The following TP73 variants were observed in gnomAD, a reference collection of about 807,000 sequenced individuals.
The protein encoded by TP73 is p53-like transcription factor.
TP73 carries 25 observed loss-of-function variants against 62.5 expected under a neutral mutation model. The ratio of observed to expected loss-of-function variants is 0.40; its 90% CI spans 0.29 to 0.56. The LOEUF (loss-of-function observed/expected upper bound fraction) is 0.56. Ranked by LOEUF, TP73 falls within the 20% of genes least tolerant of loss-of-function variation. TP73 has a pLI of 0.46. For synonymous variants in TP73, 423 were observed against 377.5 expected (o/e 1.12, Z -1.40); for missense variants, 754 against 913.3 (o/e 0.83, Z 2.25).
rs1639168373 is a variant in TP73, at chr1:3,701,527, C to CA, written c.187-6021dup. 6.6e-6 allele frequency among the ~76,000 whole-genome samples: 1 copy of CA among 152,106 alleles called. No individual in the cohort carries two copies. The highest frequency in any genetic ancestry group is 1.5e-5 in the Non-Finnish European group (1 of 68,020). On this transcript the variant is annotated intron_variant, in intron 3 of 13. Coordinates refer to ENST00000378295, the MANE Select transcript of TP73 (RefSeq NM_005427.4). This position sits in a 1 kb window ranked among gnomAD's most constrained non-coding sequence, Gnocchi z 4.7. Reference sequence around the variant, plus strand: ...ATTTCTTTTTTGGTTTTTTTCGAGACAGAGTCTTGCTCTGTCACCCAGGCT... The same window carrying CA: ...ATTTCTTTTTTGGTTTTTTTCGAGACAAGAGTCTTGCTCTGTCACCCAGGCT...
rs1326502441 is a variant in TP73, at chr1:3,662,593, A to C, written c.-34+9952A>C. ...GAAATGTCTTTCATTTCTCTCCCAG[A>C]CAGGCAGCTGGGCAGAGCCACTCCT... is the stretch of plus-strand genomic sequence containing the variant. On this transcript the variant is annotated intron_variant, in intron 1 of 13. Transcript: ENST00000378295. This position sits in a 1 kb window ranked among gnomAD's most constrained non-coding sequence, Gnocchi z 4.4. Among the ~76,000 whole-genome samples, 1 of 152,196 alleles carries C rather than the reference A, an allele frequency of 6.6e-6. No individual in the cohort carries two copies. Among genetic ancestry groups the C allele is most frequent in the African/African-American group, 2.4e-5 (1 of 41,448 alleles).
Position 3,723,384 on chromosome 1 carries a change from G to T in TP73, c.647G>T (p.Arg216Leu), listed in dbSNP as rs1641257558. The T allele has an allele frequency of 6.2e-7, 1 of 1,612,470 alleles. No individual in the cohort carries two copies. Among genetic ancestry groups the T allele is most frequent in the South Asian group, 1.1e-5 (1 of 91,082 alleles). ...TCTGCTCCAGCCAGCCACCTCATCCGCGTGGAAGGCAATAATCTCTCGCAG... is the reference window on the plus strand; with the variant it reads ...TCTGCTCCAGCCAGCCACCTCATCCTCGTGGAAGGCAATAATCTCTCGCAG... The part of the protein sequence containing the change: ...GQSAPASHLI[R>L]VEGNNLSQYV... Residue 216 changes from arginine to leucine, a missense_variant, in exon 6 of 14, where the codon CGC becomes CTC. Coordinates refer to ENST00000378295, the MANE Select transcript of TP73 (RefSeq NM_005427.4).
Position 3,734,398 on chromosome 1 carries a change from C to G in TP73, c.*1319C>G, listed in dbSNP as rs1642347753. 1 of 152,188 alleles carries G rather than the reference C, an allele frequency of 6.6e-6. No individual in the cohort carries two copies. 9.4% of individuals were successfully genotyped at this position (152,188 alleles called of 1,614,324 possible). On this transcript the variant is annotated 3_prime_UTR_variant, in exon 14 of 14. Transcript: ENST00000378295. The surrounding 1 kb of genome is among the most constrained non-coding windows in gnomAD (Gnocchi z 4.4). The stretch of plus-strand genomic sequence containing the variant: ...GCTTCAGGGCAGGGAACCGGAGCCC[C>G]TGGGGGGCCTCACGGGTGTGACGAG...
At chr1:3,707,154 G>A (rs1000694995) in intron 3 of TP73, among the ~76,000 whole-genome samples, 1 of 152,162 alleles carries the variant, frequency 6.6e-6, no homozygotes, top group South Asian at 2.1e-4. Context: ...CTGGCTCCCT[G>A]GGGCTGGATC....
chr1:3,713,351 G>A (rs1640319544), intron 4 of TP73, among the ~76,000 whole-genome samples: 1 of 152,174 alleles, frequency 6.6e-6, no homozygotes, highest in African/African-American at 2.4e-5. Flanking sequence ...CCCAGGCCTG[G>A]CCTCACTGCC....
At chr1:3,728,664 T>C (rs1250433443) in intron 9 of TP73, among the ~76,000 whole-genome samples, 14 of 152,222 alleles carry the variant, frequency 9.2e-5, no homozygotes, top group Non-Finnish European at 2.1e-4. Flanking sequence ...ATGTGAACTT[T>C]CTGTTTTTTG....
At chr1:3,687,412 G>A (rs990793894) in intron 3 of TP73, among the ~76,000 whole-genome samples, 1 of 152,206 alleles carries the variant, frequency 6.6e-6, no homozygotes, top group Non-Finnish European at 1.5e-5. Flanking sequence ...TCGTAGGCTC[G>A]CAGGCTGCGA....
In TP73 at chr1:3,734,929, G is replaced by A. The variant is rs923137093; in HGVS notation, c.*1850G>A. The A allele has an allele frequency of 3.3e-5, 5 of 152,256 alleles. No individual in the cohort carries two copies. The highest frequency in any genetic ancestry group is 1.2e-4 in the African/African-American group (5 of 41,450). 9.4% of individuals were successfully genotyped at this position (152,256 alleles called of 1,614,324 possible). A position where few individuals can be genotyped will look rare whatever the true frequency, so the allele number is the denominator to read the frequency against. On this transcript the variant is annotated 3_prime_UTR_variant, in exon 14 of 14. Transcript: ENST00000378295. This position sits in a 1 kb window ranked among gnomAD's most constrained non-coding sequence, Gnocchi z 4.4. ...CCGGCTCCTTCCAGCTGAAGGGCAG[G>A]AAGCTCTGGCCGCTTAGCTTCTAGG...
intron 4 of TP73, among the ~76,000 whole-genome samples, chr1:3,718,239 G>A (rs912540278): frequency 1.3e-5 from 2 of 152,302 alleles, no homozygotes; most frequent in South Asian, 2.1e-4. Context: ...GGCATCCACA[G>A]TGCTCCCCGC....
chr1:3,666,817 G>A lies in TP73; in HGVS notation c.-34+14176G>A, dbSNP rs1295161804. Among the ~76,000 whole-genome samples the A allele has an allele frequency of 6.6e-6, 1 of 152,176 alleles. No individual in the cohort carries two copies. Among genetic ancestry groups the A allele is most frequent in the African/African-American group, 2.4e-5 (1 of 41,450 alleles). ...TCTCTCCCAGGGCGGCTTTCAGACT[G>A]ACCCCCAAACAGAGGGCTCAGAAAA... On this transcript the variant is annotated intron_variant, in intron 1 of 13. Coordinates refer to ENST00000378295, the MANE Select transcript of TP73 (RefSeq NM_005427.4). This position sits in a 1 kb window ranked among gnomAD's most constrained non-coding sequence, Gnocchi z 6.4.
At chr1:3,681,255 T>C (rs1645513111) in intron 1 of TP73, among the ~76,000 whole-genome samples, 1 of 152,144 alleles carries the variant, frequency 6.6e-6, no homozygotes, top group Non-Finnish European at 1.5e-5. Context: ...GCCTGAGCAT[T>C]GCAGGGCGGT....
intron 3 of TP73, among the ~76,000 whole-genome samples, chr1:3,690,360 A>T (rs1645782129): frequency 6.6e-6 from 1 of 151,764 alleles, no homozygotes; most frequent in Non-Finnish European, 1.5e-5. Context: ...AGGCGACACC[A>T]TCTCTCCCCC....
In TP73 at chr1:3,666,752, A is replaced by G. The variant is rs1570376339; in HGVS notation, c.-34+14111A>G. ...AAGTGAGTAAGCATTGGCGGTGGGG[A>G]TGGTGCTCTGAGCAGACGCGACTCA... On this transcript the variant is annotated intron_variant, in intron 1 of 13. Coordinates refer to ENST00000378295, the MANE Select transcript of TP73 (RefSeq NM_005427.4). This position sits in a 1 kb window ranked among gnomAD's most constrained non-coding sequence, Gnocchi z 6.4. Among the ~76,000 whole-genome samples, 1 of 151,998 alleles carries G rather than the reference A, an allele frequency of 6.6e-6. No homozygotes were observed. The highest frequency in any genetic ancestry group is 2.4e-5 in the African/African-American group (1 of 41,340).
chr1:3,681,665 G>A (rs1000875655), intron 1 of TP73, among the ~76,000 whole-genome samples: 2 of 152,172 alleles, frequency 1.3e-5, no homozygotes, highest in African/African-American at 4.8e-5. Flanking sequence ...GCGAGGGGGC[G>A]TCTGTGTCCT....
intron 1 of TP73, among the ~76,000 whole-genome samples, chr1:3,655,687 C>A (rs1022815182): frequency 1.3e-5 from 2 of 152,164 alleles, no homozygotes; most frequent in Non-Finnish European, 2.9e-5. Flanking sequence ...TTACTCCTAC[C>A]AGTATTTAAT....
rs956266139 is a variant in TP73 at position 3,730,939 on chromosome 1, TCAA to T, written c.1363_1365del (p.Asn455del). On this transcript the variant is annotated inframe_deletion, in exon 12 of 14. Transcript: ENST00000378295. ...GCCTCTCACCCAGGCCCCGGGATGC[TCAA>T]CAACCATGGCCACGCAGTGCCAGCC... 11 of 1,607,626 alleles carry T rather than the reference TCAA, an allele frequency of 6.8e-6. No homozygotes were observed. Among genetic ancestry groups the T allele is most frequent in the Non-Finnish European group, 9.3e-6 (11 of 1,177,786 alleles).
chr1:3,659,569 G>A (rs544322342), intron 1 of TP73: 5 of 152,254 alleles, frequency 3.3e-5, no homozygotes, highest in Admixed American at 6.5e-5. Flanking sequence ...CCCCAAAGAC[G>A]TTAAACAGGA....
At chr1:3,688,596 C>A (rs961018207) in intron 3 of TP73, among the ~76,000 whole-genome samples, 1 of 152,156 alleles carries the variant, frequency 6.6e-6, no homozygotes, top group Non-Finnish European at 1.5e-5. Flanking sequence ...CTGGAGGAGG[C>A]GCTAAGGGCC....
chr1:3,722,090 AC>A lies in TP73; in HGVS notation c.503del (p.Pro168ArgfsTer20). ...ATGCCCCATCCAGATCAAGGTGTCCACCCCGCCACCCCCAGGCACCGCCATC... is the reference window on the plus strand; with the variant it reads ...ATGCCCCATCCAGATCAAGGTGTCCACCCGCCACCCCCAGGCACCGCCATC... ...KTCPIQIKVS[T>X]PPPPGTAIRA... On this transcript the variant is annotated frameshift_variant, in exon 5 of 14. Coordinates refer to ENST00000378295, the MANE Select transcript of TP73 (RefSeq NM_005427.4). LOFTEE classifies it high-confidence loss of function. 1 of 1,612,594 alleles carries A rather than the reference AC, an allele frequency of 6.2e-7. No homozygotes were observed.
Sources: gnomAD v4.1 joint callset for allele counts (sites outside exome capture counted in the v4.1 genomes callset) on GRCh38, gnomAD v4.1.1 for gene constraint, Gnocchi (gnomAD v3.1) non-coding constraint, MANE v1.5 for transcripts, NCBI Gene and HGNC (gene_info 2026-07-23, HGNC 2026-07-21) for gene names.